ARL15: variants seen among roughly 807,000 people sequenced by gnomAD.
ARL15 encodes the protein ARF like GTPase 15.
A neutral mutation model predicts 25.2 loss-of-function variants in ARL15; 19 were observed. The ratio of observed to expected loss-of-function variants is 0.75; its 90% CI spans 0.53 to 1.10. The LOEUF (loss-of-function observed/expected upper bound fraction) is 1.10. Ranked by LOEUF, ARL15 falls within the 50% of genes least tolerant of loss-of-function variation. The pLI is 0.00. For missense variants in ARL15, 220 were observed against 246.0 expected, an observed-to-expected ratio of 0.89 and a Z score of 0.71; for synonymous variants, 94 against 86.8, an observed-to-expected ratio of 1.08 and a Z score of -0.46.
At chr5:54,147,939 A>C (rs943917168) in intron 3 of ARL15, among the ~76,000 whole-genome samples, 7 of 152,304 alleles carry the variant, frequency 4.6e-5, no homozygotes, top group Middle Eastern at 3.4e-3. Flanking sequence ...TACATTCATA[A>C]GTATTTGGCT....
chr5:53,972,859 T>A (rs1258909382), intron 4 of ARL15, among the ~76,000 whole-genome samples: 2 of 152,242 alleles, frequency 1.3e-5, no homozygotes, highest in Non-Finnish European at 2.9e-5. Flanking sequence ...TCTGATGGTC[T>A]GTCTCTTGCC....
chr5:54,041,881 A>C (rs1750353099), intron 4 of ARL15, among the ~76,000 whole-genome samples: 2 of 152,204 alleles, frequency 1.3e-5, no homozygotes, highest in Admixed American at 6.5e-5. Context: ...TAAATATCCA[A>C]AGGATTGTTT....
At chr5:53,950,535 C>CT (rs1746910222) in intron 4 of ARL15, among the ~76,000 whole-genome samples, 1 of 152,164 alleles carries the variant, frequency 6.6e-6, no homozygotes, top group Non-Finnish European at 1.5e-5. Context: ...AAACAGATTA[C>CT]TTCTCCATTT....
At chr5:54,012,313 T>C (rs1375798493) in intron 4 of ARL15, among the ~76,000 whole-genome samples, 1 of 152,172 alleles carries the variant, frequency 6.6e-6, no homozygotes, top group Non-Finnish European at 1.5e-5. Context: ...GTCCTCTTCA[T>C]GGTTTTGATT....
intron 4 of ARL15, among the ~76,000 whole-genome samples, chr5:54,052,398 T>C (rs889279864): frequency 9.9e-5 from 15 of 152,182 alleles, no homozygotes; most frequent in African/African-American, 3.6e-4. Flanking sequence ...TATTGGGGTA[T>C]AAAGTGCAGA....
At chr5:54,025,467 C>T (rs1749762499) in intron 4 of ARL15, among the ~76,000 whole-genome samples, 1 of 152,048 alleles carries the variant, frequency 6.6e-6, no homozygotes, top group Non-Finnish European at 1.5e-5. Flanking sequence ...GATAAAGAAC[C>T]TGAGGCAAAT....
chr5:53,949,849 C>T (rs182693711), intron 4 of ARL15, among the ~76,000 whole-genome samples: 1 of 152,042 alleles, frequency 6.6e-6, no homozygotes, highest in South Asian at 2.1e-4. Context: ...AAAGACTGCT[C>T]GTATGTGAAG....
chr5:53,955,053 T>C (rs562066783), intron 4 of ARL15, among the ~76,000 whole-genome samples: 60 of 151,424 alleles, frequency 4.0e-4, no homozygotes, highest in African/African-American at 1.4e-3. Flanking sequence ...CTTAGTTAAC[T>C]TGAAGTTCAT....
chr5:53,974,570 C>T (rs1007674521), intron 4 of ARL15, among the ~76,000 whole-genome samples: 2 of 152,162 alleles, frequency 1.3e-5, no homozygotes, highest in African/African-American at 4.8e-5. Flanking sequence ...CTAAAGGTCA[C>T]TATATTAGGT....
chr5:54,212,392 C>T (rs911783749), intron 1 of ARL15, among the ~76,000 whole-genome samples: 6 of 152,082 alleles, frequency 3.9e-5, no homozygotes, highest in African/African-American at 1.2e-4. Context: ...CCACATCTGT[C>T]CCTTTTCACA....
intron 3 of ARL15, 183 bp downstream of exon 3, chr5:54,154,397 G>T: frequency 2.0e-6 from 1 of 510,602 alleles, no homozygotes; most frequent in Non-Finnish European, 3.4e-6. Flanking sequence ...ATGTTACTTA[G>T]AACTCTTCAA....
At chr5:54,029,332 C>A (rs1749893140) in intron 4 of ARL15, among the ~76,000 whole-genome samples, 1 of 106,068 alleles carries the variant, frequency 9.4e-6, no homozygotes, top group Non-Finnish European at 1.9e-5. Flanking sequence ...ACCACCACCA[C>A]TACCACCACC....
chr5:54,200,691 T>C (rs1005076399), intron 1 of ARL15, among the ~76,000 whole-genome samples: 2 of 152,184 alleles, frequency 1.3e-5, no homozygotes, highest in African/African-American at 4.8e-5. Context: ...CTCACATTCA[T>C]GGTATGACTG....
chr5:54,228,631 C>A (rs890720881), intron 1 of ARL15, among the ~76,000 whole-genome samples: 1 of 152,122 alleles, frequency 6.6e-6, no homozygotes, highest in Non-Finnish European at 1.5e-5. Flanking sequence ...TGAAATAGTT[C>A]TAACCTCTTC....
rs374360047 is a variant in ARL15, at chr5:54,143,998, A to G, written c.253+10582T>C. Reference sequence around the variant, plus strand: ...TAAAAAAAGAACATAATATACTTTTATGCTTGTTTCTCTTTACCTGACCCT... The same window carrying G: ...TAAAAAAAGAACATAATATACTTTTGTGCTTGTTTCTCTTTACCTGACCCT... On this transcript the variant is annotated intron_variant, in intron 3 of 4. Coordinates refer to ENST00000504924, the MANE Select transcript of ARL15 (RefSeq NM_019087.3). Among the ~76,000 whole-genome samples the G allele has an allele frequency of 2.6e-5, 4 of 152,088 alleles. No individual in the cohort carries two copies. The South Asian group carries it at 8.3e-4, about 32-fold the overall frequency.
At chr5:54,184,249 TAA>T (rs370187848) in intron 1 of ARL15, among the ~76,000 whole-genome samples, 5 of 110,756 alleles carry the variant, frequency 4.5e-5, no homozygotes, top group Non-Finnish European at 7.1e-5. Context: ...TAAAGTATAA[TAA>T]AAAAAAAATC....
intron 4 of ARL15, among the ~76,000 whole-genome samples, chr5:54,057,654 C>T (rs1348695118): frequency 6.6e-6 from 1 of 152,038 alleles, no homozygotes; most frequent in African/African-American, 2.4e-5. Flanking sequence ...GCAGTCTGGG[C>T]AACATAGTGA....
At chr5:54,018,799 T>C (rs754377135) in intron 4 of ARL15, among the ~76,000 whole-genome samples, 1 of 152,186 alleles carries the variant, frequency 6.6e-6, no homozygotes, top group South Asian at 2.1e-4. Flanking sequence ...CCGTAAAGTC[T>C]AGCCTTAACT....
intron 2 of ARL15, among the ~76,000 whole-genome samples, chr5:54,163,286 T>C (rs1451955890): frequency 3.3e-5 from 5 of 151,060 alleles, no homozygotes; most frequent in Non-Finnish European, 5.9e-5. Flanking sequence ...AATATTATTG[T>C]TGAATTTAAT....
Sources: gnomAD v4.1 joint callset for allele counts (sites outside exome capture counted in the v4.1 genomes callset) on GRCh38, gnomAD v4.1.1 for gene constraint, MANE v1.5 for transcripts, NCBI Gene and HGNC (gene_info 2026-07-23, HGNC 2026-07-21) for gene names.